Variants in RBM25 observed in about 807,000 individuals in gnomAD.
The protein encoded by RBM25 is RNA-binding protein 25.
RBM25 carries 19 observed loss-of-function variants against 120.7 expected under a neutral mutation model. The observed-to-expected ratio is 0.16, with a 90% CI of 0.11 to 0.23. RBM25 has a LOEUF of 0.23. Among genes scored for constraint, RBM25 ranks in the 10% least tolerant of loss-of-function variants. RBM25 has a pLI of 1.00. For synonymous variants in RBM25, 390 were observed against 326.7 expected (o/e 1.19, Z -2.09); for missense variants, 605 against 1,041.5 (o/e 0.58, Z 5.77).
In RBM25 at chr14:73,107,865, TATG is replaced by T. The variant is rs1451351771; in HGVS notation, c.1516_1518del (p.Asp506del). On this transcript the variant is annotated inframe_deletion, in exon 13 of 19. Transcript: ENST00000261973. ...ACGACTAAAAGAATTCTTAGAAGAC[TATG>T]ATGATGATAGAGATGACCCCAAATA... is the stretch of plus-strand genomic sequence containing the variant. 5 of 1,603,690 alleles carry T rather than the reference TATG, an allele frequency of 3.1e-6. No individual in the cohort carries two copies. The highest frequency in any genetic ancestry group is 1.7e-5 in the Admixed American group (1 of 58,576).
At position 73,099,735 on chromosome 14, in the gene RBM25, C is replaced by T; in HGVS notation, c.852C>T (p.Phe284=). ...RDLISREISK[F]RDTHKKLEEE... The stretch of plus-strand genomic sequence containing the variant: ...TGATATCTCGAGAGATCAGCAAATT[C>T]AGAGACACACATAAGGTAGTATTCT... Residue 284 remains phenylalanine, a synonymous_variant, in exon 9 of 19, where the codon TTC becomes TTT. Transcript: ENST00000261973. 6.2e-7 allele frequency: 1 copy of T among 1,609,560 alleles called. No individual in the cohort carries two copies. The highest frequency in any genetic ancestry group is 8.5e-7 in the Non-Finnish European group (1 of 1,178,900).
chr14:73,063,308 C>T (rs1895048876), intron 1 of RBM25, among the ~76,000 whole-genome samples: 1 of 151,038 alleles, frequency 6.6e-6, no homozygotes, highest in Admixed American at 6.6e-5. Context: ...TGCCACTATG[C>T]CCGGCTAAAT....
At chr14:73,090,132 C>T (rs1024973046) in intron 6 of RBM25, among the ~76,000 whole-genome samples, 4 of 151,914 alleles carry the variant, frequency 2.6e-5, no homozygotes, top group Non-Finnish European at 5.9e-5. Context: ...CTCACTGCAA[C>T]CTCCACCTCC....
rs554097661 is a variant in RBM25 at position 73,085,572 on chromosome 14, G to A, written c.382+2021G>A. Among the ~76,000 whole-genome samples the A allele has an allele frequency of 3.9e-5, 6 of 151,934 alleles. No individual in the cohort carries two copies. The South Asian group carries it at 1.2e-3, about 32-fold the overall frequency. On this transcript the variant is annotated intron_variant, in intron 5 of 18. Coordinates refer to ENST00000261973, the MANE Select transcript of RBM25 (RefSeq NM_021239.3). ...TGGTTCTCTTGCCTCAGCCTCCTGA[G>A]TAGCCAGGATTACAGGCGCCCACCA...
intron 6 of RBM25, chr14:73,088,518 T>A: frequency 5.0e-6 from 2 of 401,770 alleles, no homozygotes; most frequent in South Asian, 1.9e-5. Context: ...TTTATTAGTT[T>A]CCCTCTCTTT....
intron 1 of RBM25, among the ~76,000 whole-genome samples, chr14:73,061,598 G>T (rs2140418039): frequency 6.6e-6 from 1 of 151,228 alleles, no homozygotes; most frequent in South Asian, 2.1e-4. Flanking sequence ...TTGAGATGGG[G>T]TCTCTTTCAC....
intron 4 of RBM25, among the ~76,000 whole-genome samples, chr14:73,082,920 A>C (rs71427178): frequency 1.5e-4 from 22 of 150,732 alleles, no homozygotes; most frequent in South Asian, 4.2e-4. Context: ...AAAAAAAAAA[A>C]CAAAAAACAA....
intron 1 of RBM25, chr14:73,069,735 A>C (rs1392137212): frequency 3.2e-5 from 3 of 95,032 alleles, no homozygotes; most frequent in African/African-American, 1.2e-4. Flanking sequence ...TGCCTGGCCG[A>C]CCCTGTTTCT....
intron 12 of RBM25, 44 bp downstream of exon 12, chr14:73,106,329 C>CAGATTGTAT: frequency 6.8e-7 from 1 of 1,462,660 alleles, no homozygotes; most frequent in Non-Finnish European, 9.3e-7. Context: ...GGTAAAAAGT[C>CAGATTGTAT]AGATTGTATC....
intron 18 of RBM25, among the ~76,000 whole-genome samples, chr14:73,115,400 C>T (rs1400191486): frequency 6.6e-6 from 1 of 152,162 alleles, no homozygotes; most frequent in Non-Finnish European, 1.5e-5. Flanking sequence ...CATTTAGCTC[C>T]CGCTTATAAG....
chr14:73,094,509 G>A lies in RBM25; in HGVS notation c.544-2406G>A, dbSNP rs948869126. Among the ~76,000 whole-genome samples the A allele has an allele frequency of 5.3e-5, 8 of 150,156 alleles. 1 individual carries two copies. Among genetic ancestry groups the A allele is most frequent in the East Asian group, 2.0e-4 (1 of 4,938 alleles). ...GTCGCCCAGGCTGGAGTGCAGTGGCGTGATATTGGCTCACTGCAATCTCTG... is the reference window on the plus strand; with the variant it reads ...GTCGCCCAGGCTGGAGTGCAGTGGCATGATATTGGCTCACTGCAATCTCTG... On this transcript the variant is annotated intron_variant, in intron 6 of 18. Coordinates refer to ENST00000261973, the MANE Select transcript of RBM25 (RefSeq NM_021239.3).
At position 73,103,454 on chromosome 14, in the gene RBM25, G is replaced by A. The variant is rs747513083; in HGVS notation, c.1130G>A (p.Arg377His). Residue 377 changes from arginine to histidine, a missense_variant, in exon 10 of 19, where the codon CGT becomes CAT. Coordinates refer to ENST00000261973, the MANE Select transcript of RBM25 (RefSeq NM_021239.3). ...CGGGATAGAGAAAGGAGCTCAGATC[G>A]TAATAAGGATCGCAGTCGATCAAGG... ...RDRDRERSSD[R>H]NKDRSRSREK... is the part of the protein sequence containing the mutation. 1.6e-5 allele frequency: 26 copies of A among 1,602,494 alleles called. No homozygotes were observed. Among genetic ancestry groups the A allele is most frequent in the Admixed American group, 5.3e-5 (3 of 56,922 alleles).
intron 7 of RBM25, among the ~76,000 whole-genome samples, 169 bp from the exon 8 acceptor site, chr14:73,099,211 T>C (rs1896011446): frequency 1.3e-5 from 2 of 152,214 alleles, no homozygotes; most frequent in South Asian, 2.1e-4. Context: ...TGATCAGTTA[T>C]TGTAAAAAGA....
intron 4 of RBM25, among the ~76,000 whole-genome samples, chr14:73,078,814 G>A (rs1340282692): frequency 6.6e-6 from 1 of 152,090 alleles, no homozygotes; most frequent in Non-Finnish European, 1.5e-5. Flanking sequence ...ATGTTATCCA[G>A]ACTTGTCTTG....
chr14:73,064,180 C>CT (rs905769507), intron 1 of RBM25, among the ~76,000 whole-genome samples: 3 of 151,446 alleles, frequency 2.0e-5, no homozygotes, highest in African/African-American at 7.3e-5. Context: ...TACATACCAT[C>CT]TTTCAATGTA....
At chr14:73,113,123 C>T (rs1173073732) in intron 17 of RBM25, among the ~76,000 whole-genome samples, 2 of 152,078 alleles carry the variant, frequency 1.3e-5, no homozygotes, top group Non-Finnish European at 2.9e-5. Flanking sequence ...CTAATGCTCT[C>T]CCTCCCCTAG....
intron 18 of RBM25, among the ~76,000 whole-genome samples, chr14:73,115,148 T>C (rs1320548746): frequency 8.0e-6 from 1 of 125,230 alleles, no homozygotes; most frequent in African/African-American, 3.5e-5. Context: ...CTACAGGAAC[T>C]GATACGTGTG....
At chr14:73,074,780 A>AC (rs149171114) in intron 2 of RBM25, among the ~76,000 whole-genome samples, 2,266 of 151,656 alleles carry the variant, frequency 0.015, 57 homozygotes, top group African/African-American at 0.051. Flanking sequence ...ATTACAGCTC[A>AC]CTGCAGTCTC....
intron 17 of RBM25, 53 bp downstream of exon 17, chr14:73,112,303 T>C: frequency 6.9e-7 from 1 of 1,456,884 alleles, no homozygotes; most frequent in Non-Finnish European, 9.1e-7. Context: ...ATTAAAATAT[T>C]AGACACTTCT....
Sources: allele counts gnomAD v4.1 joint callset (sites outside exome capture counted in the v4.1 genomes callset), GRCh38; gene constraint gnomAD v4.1.1; transcripts MANE v1.5; gene names NCBI Gene and HGNC (gene_info 2026-07-23, HGNC 2026-07-21).